The following MED13L variants were observed in gnomAD, a reference collection of about 807,000 sequenced individuals.
The protein encoded by MED13L is mediator of RNA polymerase II transcription subunit 13-like.
Under a neutral mutation model 220.9 loss-of-function variants are expected in MED13L, and 7 were observed. The ratio of observed to expected loss-of-function variants is 0.03; its 90% CI spans 0.02 to 0.06. The LOEUF (loss-of-function observed/expected upper bound fraction) is 0.06, where lower values mean the gene tolerates loss of function less well. MED13L is among the 10% of genes least tolerant of loss of function. MED13L has a pLI of 1.00. For missense variants in MED13L, 1,965 were observed against 2,760.5 expected (o/e 0.71, Z 6.46); for synonymous variants, 1,011 against 1,015.2 (o/e 1.00, Z 0.08).
At chr12:116,221,059 A>T (rs1368231818) in intron 2 of MED13L, among the ~76,000 whole-genome samples, 1 of 152,160 alleles carries the variant, frequency 6.6e-6, no homozygotes, top group Admixed American at 6.5e-5. Context: ...AATGAGTTTA[A>T]TAAACACAAA....
chr12:116,150,864 AATCT>A (rs1474816999), intron 2 of MED13L, among the ~76,000 whole-genome samples: 1 of 152,122 alleles, frequency 6.6e-6, no homozygotes, highest in Non-Finnish European at 1.5e-5. Flanking sequence ...TAATTTTCTC[AATCT>A]AAGTTTCTTC....
chr12:116,236,072 G>A (rs1010782057), intron 2 of MED13L, among the ~76,000 whole-genome samples: 1 of 152,118 alleles, frequency 6.6e-6, no homozygotes, highest in African/African-American at 2.4e-5. Flanking sequence ...TCTTCTAGGT[G>A]ACATCTTATT....
At chr12:116,255,279 A>G (rs376240599) in intron 1 of MED13L, among the ~76,000 whole-genome samples, 13 of 152,244 alleles carry the variant, frequency 8.5e-5, no homozygotes, top group African/African-American at 3.1e-4. Context: ...AGGTCATTCA[A>G]TAAGTCTTCA....
At chr12:116,260,696 C>T (rs1021153754) in intron 1 of MED13L, among the ~76,000 whole-genome samples, 4 of 152,108 alleles carry the variant, frequency 2.6e-5, no homozygotes, top group African/African-American at 9.7e-5. Context: ...TCTACAAATG[C>T]CCCCGCTATT....
intron 2 of MED13L, among the ~76,000 whole-genome samples, chr12:116,199,462 T>C (rs1881858331): frequency 6.6e-6 from 1 of 152,180 alleles, no homozygotes; most frequent in Admixed American, 6.5e-5. Context: ...AGTCCTTATT[T>C]AGGAATACTA....
chr12:116,268,697 A>G (rs1007228393), intron 1 of MED13L, among the ~76,000 whole-genome samples: 2 of 152,146 alleles, frequency 1.3e-5, no homozygotes, highest in South Asian at 2.1e-4. Flanking sequence ...AAAGATCACA[A>G]TAATTCTTAT....
chr12:116,115,070 T>G (rs552768013), intron 2 of MED13L, among the ~76,000 whole-genome samples: 2 of 152,100 alleles, frequency 1.3e-5, no homozygotes, highest in African/African-American at 2.4e-5. Context: ...AGTCTATATA[T>G]TTATATGAAA....
intron 3 of MED13L, among the ~76,000 whole-genome samples, chr12:116,106,014 T>G (rs989968334): frequency 1.3e-5 from 2 of 152,180 alleles, no homozygotes; most frequent in Non-Finnish European, 2.9e-5. Context: ...GCCCACCAAG[T>G]CATACCCAGG....
At chr12:116,138,163 A>C (rs544296563) in intron 2 of MED13L, among the ~76,000 whole-genome samples, 4 of 152,138 alleles carry the variant, frequency 2.6e-5, no homozygotes, top group Non-Finnish European at 4.4e-5. Flanking sequence ...GCCTGACATA[A>C]ATTTTTAAAA....
At chr12:116,218,564 T>C (rs1037918330) in intron 2 of MED13L, among the ~76,000 whole-genome samples, 1 of 144,454 alleles carries the variant, frequency 6.9e-6, no homozygotes, top group Non-Finnish European at 1.5e-5. Context: ...TTAACCAGCA[T>C]TTTTTTTTTT....
chr12:116,150,929 G>C (rs373657084), intron 2 of MED13L, among the ~76,000 whole-genome samples: 1 of 152,088 alleles, frequency 6.6e-6, no homozygotes, highest in African/African-American at 2.4e-5. Flanking sequence ...CTGAGAACTA[G>C]AGCTATGGTA....
At chr12:116,205,013 A>G (rs1882224636) in intron 2 of MED13L, among the ~76,000 whole-genome samples, 1 of 152,186 alleles carries the variant, frequency 6.6e-6, no homozygotes. Context: ...CTAGAACACC[A>G]TAAACCCTTT....
intron 4 of MED13L, among the ~76,000 whole-genome samples, chr12:116,067,454 C>T (rs1400440202): frequency 6.6e-6 from 1 of 152,060 alleles, no homozygotes; most frequent in African/African-American, 2.4e-5. Flanking sequence ...TGGAGATCCC[C>T]CATCAGAATA....
At chr12:116,007,369 G>A in intron 11 of MED13L, 42 bp downstream of exon 11, 1 of 1,562,880 alleles carries the variant, frequency 6.4e-7, no homozygotes, top group Non-Finnish European at 8.8e-7. Flanking sequence ...GACATAGATA[G>A]AAACCCACAC....
rs1870214634 is a variant in MED13L at position 116,237,646 on chromosome 12, T to G, written c.132A>C (p.Gly44=). ...CTTGGGCTGGGGCTGAAATTATGGG[T>G]CCACAGTCCCCATGCCCTCCAAAAT... ...RYNFGGHGDC[G]PIISAPAQDD... is the part of the protein sequence containing the mutation. The change falls in exon 2 of 31, where the codon GGA becomes GGC. Residue 44 remains glycine, a synonymous_variant. Transcript: ENST00000281928. 1 of 1,614,032 alleles carries G rather than the reference T, an allele frequency of 6.2e-7. No individual in the cohort carries two copies. Among genetic ancestry groups the G allele is most frequent in the African/African-American group, 1.3e-5 (1 of 74,928 alleles).
intron 3 of MED13L, among the ~76,000 whole-genome samples, chr12:116,108,406 T>TGG (rs1565881144): frequency 0.017 from 272 of 15,998 alleles, no homozygotes; most frequent in Middle Eastern, 0.056. Flanking sequence ...GGGGGGCGCG[T>TGG]GGGGGGTGGG....
chr12:116,266,206 T>C (rs1872819193), intron 1 of MED13L, among the ~76,000 whole-genome samples: 1 of 152,202 alleles, frequency 6.6e-6, no homozygotes, highest in African/African-American at 2.4e-5. Flanking sequence ...TTTCATCCCA[T>C]TGGATCTCAG....
chr12:116,229,549 G>T (rs773471639), intron 2 of MED13L, among the ~76,000 whole-genome samples: 1 of 151,970 alleles, frequency 6.6e-6, no homozygotes, highest in South Asian at 2.1e-4. Context: ...CTAATTACAT[G>T]GTTCAGTAAG....
chr12:116,090,668 G>T (rs1872124328), intron 4 of MED13L, among the ~76,000 whole-genome samples: 1 of 151,896 alleles, frequency 6.6e-6, no homozygotes, highest in African/African-American at 2.4e-5. Flanking sequence ...GGATTCACTA[G>T]GTCCCACAAG....
Sources: gnomAD v4.1 joint callset for allele counts (sites outside exome capture counted in the v4.1 genomes callset) on GRCh38, gnomAD v4.1.1 for gene constraint, MANE v1.5 for transcripts, NCBI Gene and HGNC (gene_info 2026-07-23, HGNC 2026-07-21) for gene names.